The following NBAS variants were observed in gnomAD, a reference collection of about 807,000 sequenced individuals.
NBAS encodes the protein NBAS subunit of NRZ tethering complex, also known as NAG/BC035112 fusion.
In NBAS, 219 loss-of-function variants were observed where a neutral mutation model predicts 302.5. The ratio of observed to expected loss-of-function variants is 0.72; its 90% CI spans 0.65 to 0.81. The LOEUF (loss-of-function observed/expected upper bound fraction) is 0.81, where lower values mean the gene tolerates loss of function less well. Among genes scored for constraint, NBAS ranks in the 30% least tolerant of loss-of-function variants. NBAS has a pLI of 0.00. For synonymous variants in NBAS, 1,118 were observed against 1,021.6 expected, an observed-to-expected ratio of 1.09 and a Z score of -1.80; for missense variants, 2,932 against 2,841.6, an observed-to-expected ratio of 1.03 and a Z score of -0.72.
intron 35 of NBAS, 58 bp from the exon 36 acceptor site, chr2:15,330,823 G>C: frequency 6.4e-7 from 1 of 1,564,434 alleles, no homozygotes; most frequent in Non-Finnish European, 8.8e-7. Flanking sequence ...GAACAGAGAA[G>C]ACAGTGATAA....
At chr2:15,281,591 T>G (rs1261470450) in intron 42 of NBAS, among the ~76,000 whole-genome samples, 1 of 152,190 alleles carries the variant, frequency 6.6e-6, no homozygotes, top group Admixed American at 6.5e-5. Context: ...ATAAATCTCT[T>G]CAATCTCACA....
chr2:15,327,227 G>A (rs1053788747), intron 38 of NBAS, among the ~76,000 whole-genome samples: 2 of 152,100 alleles, frequency 1.3e-5, no homozygotes, highest in Non-Finnish European at 1.5e-5. Context: ...AGCAGAGAGA[G>A]GGGGAATTCA....
chr2:15,479,626 T>G (rs1348100342), intron 12 of NBAS, among the ~76,000 whole-genome samples: 2 of 152,174 alleles, frequency 1.3e-5, no homozygotes, highest in Admixed American at 6.5e-5. Context: ...AAGGAAATTT[T>G]AAAAATAAAT....
the NBAS span, among the ~76,000 whole-genome samples, chr2:14,816,584 T>C: frequency 1.3e-5 from 2 of 152,194 alleles, no homozygotes; most frequent in African/African-American, 4.8e-5. Flanking sequence ...TTGATACTGG[T>C]CCAGAGTTCC....
chr2:14,912,055 C>T, the NBAS span, among the ~76,000 whole-genome samples: 7 of 152,196 alleles, frequency 4.6e-5, no homozygotes, highest in African/African-American at 1.7e-4. Flanking sequence ...CCTACTGCTT[C>T]TAGTCTTCAA....
chr2:15,555,480 C>T lies in NBAS; in HGVS notation c.209+1303G>A, dbSNP rs1358540611. ...ACATTTTGCATAAAAACAAAAAGAG[C>T]TAGCTGATACAGGTTTATTATATTG... On this transcript the variant is annotated intron_variant, in intron 3 of 51. Transcript: ENST00000281513. Among the ~76,000 whole-genome samples the T allele has an allele frequency of 4.6e-5, 7 of 151,898 alleles. No homozygotes were observed. In the South Asian group the frequency reaches 1.3e-3, roughly 27 times the overall value.
At chr2:15,009,514 T>C in the NBAS span, among the ~76,000 whole-genome samples, 1 of 151,010 alleles carries the variant, frequency 6.6e-6, no homozygotes, top group African/African-American at 2.4e-5. Context: ...GCTCAGTAAA[T>C]AATGCAGAAA....
downstream of NBAS, among the ~76,000 whole-genome samples, chr2:15,162,319 C>T (rs1347318352): frequency 6.6e-6 from 1 of 152,118 alleles, no homozygotes; most frequent in African/African-American, 2.4e-5. Context: ...ATCAGGATAC[C>T]CCCAGCTTCA....
At chr2:14,787,704 T>C in the NBAS span, among the ~76,000 whole-genome samples, 1 of 152,238 alleles carries the variant, frequency 6.6e-6, no homozygotes, top group Non-Finnish European at 1.5e-5. Context: ...GTTAGTCTGA[T>C]GGGCTTCCCT....
intron 10 of NBAS, 92 bp from the exon 11 acceptor site, chr2:15,504,305 A>C: frequency 2.0e-6 from 2 of 1,017,372 alleles, no homozygotes; most frequent in Admixed American, 1.8e-5. Context: ...ACTATAGCAA[A>C]TCTAGTATTT....
chr2:15,481,338 T>C (rs932250881), intron 12 of NBAS, among the ~76,000 whole-genome samples: 4 of 152,196 alleles, frequency 2.6e-5, no homozygotes, highest in Non-Finnish European at 5.9e-5. Context: ...GAAAATTTGA[T>C]AATAAGCATG....
intron 6 of NBAS, among the ~76,000 whole-genome samples, chr2:15,550,529 T>C (rs1302105742): frequency 2.0e-5 from 3 of 152,044 alleles, no homozygotes; most frequent in African/African-American, 4.8e-5. Flanking sequence ...ACATAGGTAA[T>C]AGATGCATTT....
At chr2:14,989,287 A>ATGTGTG in the NBAS span, among the ~76,000 whole-genome samples, 204 of 71,014 alleles carry the variant, frequency 2.9e-3, no homozygotes, top group Non-Finnish European at 4.8e-3. Context: ...TAGTAGATGT[A>ATGTGTG]TGTGTATGTG....
At chr2:15,185,704 C>G (rs1665042331) in intron 50 of NBAS, among the ~76,000 whole-genome samples, 1 of 152,160 alleles carries the variant, frequency 6.6e-6, no homozygotes, top group Non-Finnish European at 1.5e-5. Flanking sequence ...GGTGCTGGTA[C>G]TTTATTTTGT....
chr2:15,484,432 C>T (rs924121633), intron 12 of NBAS, among the ~76,000 whole-genome samples: 5 of 152,032 alleles, frequency 3.3e-5, no homozygotes, highest in African/African-American at 1.2e-4. Flanking sequence ...CCATTCCCAC[C>T]CATTTATGCC....
intron 47 of NBAS, among the ~76,000 whole-genome samples, chr2:15,220,998 T>C (rs1299954093): frequency 2.6e-5 from 4 of 152,236 alleles, no homozygotes; most frequent in Non-Finnish European, 4.4e-5. Flanking sequence ...TAAGTGAAAC[T>C]ACAAAATGTT....
At chr2:15,004,757 C>A in the NBAS span, among the ~76,000 whole-genome samples, 7 of 151,506 alleles carry the variant, frequency 4.6e-5, no homozygotes, top group East Asian at 3.9e-4. Flanking sequence ...GATCCACCCC[C>A]CCTTGGCTTC....
At chr2:15,308,039 A>G (rs776561153) in intron 40 of NBAS, among the ~76,000 whole-genome samples, 177 bp downstream of exon 40, 13 of 152,242 alleles carry the variant, frequency 8.5e-5, no homozygotes, top group Non-Finnish European at 1.5e-4. Context: ...AACTCTACTT[A>G]CTGATACCTG....
At chr2:15,097,595 A>G in the NBAS span, among the ~76,000 whole-genome samples, 1 of 151,928 alleles carries the variant, frequency 6.6e-6, no homozygotes, top group East Asian at 1.9e-4. Flanking sequence ...TGAGTTGCAT[A>G]TGGAAAGCTG....
Sources: allele counts gnomAD v4.1 joint callset (sites outside exome capture counted in the v4.1 genomes callset), GRCh38; gene constraint gnomAD v4.1.1; transcripts MANE v1.5; gene names NCBI Gene and HGNC (gene_info 2026-07-23, HGNC 2026-07-21).